EEF2K: variants seen among roughly 807,000 people sequenced by gnomAD.
The protein encoded by EEF2K is eukaryotic elongation factor 2 kinase.
In EEF2K, 70 loss-of-function variants were observed where a neutral mutation model predicts 93.8. That is an observed-to-expected ratio of 0.75 (90% CI 0.62 to 0.91). The LOEUF (loss-of-function observed/expected upper bound fraction) is 0.91, where lower values mean the gene tolerates loss of function less well. Ranked by LOEUF, EEF2K falls within the 40% of genes least tolerant of loss-of-function variation. The pLI is 0.00. For synonymous variants in EEF2K, 376 were observed against 380.8 expected (o/e 0.99, Z 0.15); for missense variants, 935 against 972.9 (o/e 0.96, Z 0.52).
chr16:22,242,767 A>G (rs1223364835), intron 2 of EEF2K, among the ~76,000 whole-genome samples: 1 of 152,072 alleles, frequency 6.6e-6, no homozygotes, highest in Admixed American at 6.6e-5. Flanking sequence ...ATCCCACAAG[A>G]TCTTGGAACA....
At chr16:22,214,452 GAA>G (rs1036112187) in intron 1 of EEF2K, among the ~76,000 whole-genome samples, 1 of 149,498 alleles carries the variant, frequency 6.7e-6, no homozygotes, top group African/African-American at 2.5e-5. Flanking sequence ...AAAAAAAAAA[GAA>G]AAGAGACCAG....
At chr16:22,268,424 G>A (rs548555871) in intron 15 of EEF2K, among the ~76,000 whole-genome samples, 1 of 152,092 alleles carries the variant, frequency 6.6e-6, no homozygotes, top group East Asian at 2.0e-4. Flanking sequence ...GCCCACCTCA[G>A]CCTCCCAAAG....
chr16:22,208,431 G>A (rs1283344510), intron 1 of EEF2K, among the ~76,000 whole-genome samples: 1 of 152,178 alleles, frequency 6.6e-6, no homozygotes, highest in South Asian at 2.1e-4. Context: ...GCTGAGGCAG[G>A]AGAATCGAGA....
chr16:22,260,366 C>T, intron 10 of EEF2K, 96 bp from the exon 11 acceptor site: 2 of 1,134,812 alleles, frequency 1.8e-6, no homozygotes, highest in Non-Finnish European at 2.5e-6. Context: ...AAAAAAAAGG[C>T]TTGGTGGCAG....
At chr16:22,229,837 A>G (rs989888400) in intron 2 of EEF2K, among the ~76,000 whole-genome samples, 4 of 152,274 alleles carry the variant, frequency 2.6e-5, no homozygotes, top group African/African-American at 9.6e-5. Flanking sequence ...TACTGTAAAC[A>G]AAATGCCTAT....
intron 1 of EEF2K, among the ~76,000 whole-genome samples, chr16:22,211,753 G>A (rs966844412): frequency 4.6e-5 from 7 of 152,064 alleles, no homozygotes; most frequent in Admixed American, 2.0e-4. Flanking sequence ...GTCAACCACC[G>A]TGCCCAGCCA....
At chr16:22,265,391 C>G (rs2047507221) in intron 13 of EEF2K, 1 of 152,742 alleles carries the variant, frequency 6.5e-6, no homozygotes, top group Admixed American at 6.5e-5. Context: ...ATCTTTGGAG[C>G]CTTTACTAAG....
chr16:22,256,956 C>T lies in EEF2K; in HGVS notation c.768+59C>T. On this transcript the variant is annotated intron_variant, in intron 7 of 17. Transcript: ENST00000263026. ...CACAGCCCTTGGGGTGAGATCCTGG[C>T]CAGGCTCAGCCCCTAAAGAGGAAGG... 5 of 1,598,510 alleles carry T rather than the reference C, an allele frequency of 3.1e-6. 1 individual carries two copies. The South Asian group carries it at 4.5e-5, about 14-fold the overall frequency.
chr16:22,280,413 G>T, intron 17 of EEF2K, 37 bp downstream of exon 17: 1 of 1,425,502 alleles, frequency 7.0e-7, no homozygotes, highest in Non-Finnish European at 9.2e-7. Context: ...GCTGCAACAG[G>T]GCTGGGCAGG....
At chr16:22,261,702 A>AT (rs1283376844) in intron 11 of EEF2K, among the ~76,000 whole-genome samples, 1 of 151,362 alleles carries the variant, frequency 6.6e-6, no homozygotes, top group Non-Finnish European at 1.5e-5. Context: ...AAAAAAAAAA[A>AT]AAGAAATACT....
At position 22,225,955 on chromosome 16, in the gene EEF2K, G is replaced by C. The variant is rs778126391; in HGVS notation, c.226G>C (p.Ala76Pro). Residue 76 changes from alanine (A) to proline (P), a missense_variant, in exon 2 of 18, where the codon GCA becomes CCA. Transcript: ENST00000263026. ...GCGGTATAGCTCCAGCGGGTCCCCG[G>C]CAAACTCCTTCCACTTCAAGGTGAG... ...SERYSSSGSP[A>P]NSFHFKEAWK... 14 of 1,613,918 alleles carry C rather than the reference G, an allele frequency of 8.7e-6. No homozygotes were observed. Among genetic ancestry groups the C allele is most frequent in the Non-Finnish European group, 1.2e-5 (14 of 1,179,976 alleles).
intron 6 of EEF2K, among the ~76,000 whole-genome samples, chr16:22,251,546 C>T (rs2047352599): frequency 6.6e-6 from 1 of 151,922 alleles, no homozygotes; most frequent in Non-Finnish European, 1.5e-5. Flanking sequence ...TCAGCCACCC[C>T]AGTAGCTGGG....
chr16:22,220,342 C>T (rs948403832), intron 1 of EEF2K, among the ~76,000 whole-genome samples: 14 of 152,202 alleles, frequency 9.2e-5, no homozygotes, highest in Admixed American at 3.9e-4. Context: ...GGCCGAGGGC[C>T]GAGCTCCCCA....
intron 15 of EEF2K, among the ~76,000 whole-genome samples, chr16:22,268,002 C>G (rs761741591): frequency 2.0e-4 from 30 of 152,076 alleles, no homozygotes; most frequent in Non-Finnish European, 4.3e-4. Context: ...GACAGGTGGC[C>G]TAGGCTCATT....
intron 1 of EEF2K, among the ~76,000 whole-genome samples, chr16:22,209,293 T>A (rs947859468): frequency 6.6e-6 from 1 of 152,180 alleles, no homozygotes; most frequent in African/African-American, 2.4e-5. Flanking sequence ...CCCAAAGTGC[T>A]GGGATTACAG....
At chr16:22,217,913 A>G (rs1598162043) in intron 1 of EEF2K, among the ~76,000 whole-genome samples, 1 of 152,330 alleles carries the variant, frequency 6.6e-6, no homozygotes, top group East Asian at 1.9e-4. Context: ...TCTGGATTCC[A>G]GGTCTCAAAT....
At position 22,256,975 on chromosome 16, in the gene EEF2K, A is replaced by G. The variant is rs545812340; in HGVS notation, c.768+78A>G. 7.0e-5 allele frequency: 110 copies of G among 1,582,534 alleles called. 2 individuals carry two copies. In the South Asian group the frequency reaches 1.2e-3, roughly 17 times the overall value. ...TCCTGGCCAGGCTCAGCCCCTAAAGAGGAAGGTCCCTGTGGGCTTGGAGTC... is the reference window on the plus strand; with the variant it reads ...TCCTGGCCAGGCTCAGCCCCTAAAGGGGAAGGTCCCTGTGGGCTTGGAGTC... On this transcript the variant is annotated intron_variant, in intron 7 of 17. Coordinates refer to ENST00000263026, the MANE Select transcript of EEF2K (RefSeq NM_013302.5).
At chr16:22,233,139 C>T (rs2047132602) in intron 2 of EEF2K, among the ~76,000 whole-genome samples, 1 of 152,158 alleles carries the variant, frequency 6.6e-6, no homozygotes, top group Non-Finnish European at 1.5e-5. Flanking sequence ...GGGAAAGTGC[C>T]TCTGCTCCAG....
Position 22,254,415 on chromosome 16 carries a change from G to C in EEF2K, c.619-2333G>C, listed in dbSNP as rs188897704. 2.0e-3 allele frequency among the ~76,000 whole-genome samples: 307 copies of C among 152,152 alleles called. 3 individuals carry two copies. The highest frequency in any genetic ancestry group is 4.6e-3 in the South Asian group (22 of 4,822). On this transcript the variant is annotated intron_variant, in intron 6 of 17. Coordinates refer to ENST00000263026, the MANE Select transcript of EEF2K (RefSeq NM_013302.5). ...TCACCTCTCAGATCAGGACCCCTTC[G>C]GCCTCTGCATCTGTTGTCTGCATGT...
Sources: gnomAD v4.1 joint callset for allele counts (sites outside exome capture counted in the v4.1 genomes callset) on GRCh38, gnomAD v4.1.1 for gene constraint, MANE v1.5 for transcripts, NCBI Gene and HGNC (gene_info 2026-07-23, HGNC 2026-07-21) for gene names.